The following INPP5D variants were observed in gnomAD, a reference collection of about 807,000 sequenced individuals.
INPP5D encodes the protein inositol polyphosphate-5-phosphatase D.
In INPP5D, 33 loss-of-function variants were observed where a neutral mutation model predicts 122.9. The observed-to-expected ratio is 0.27, with a 90% CI of 0.20 to 0.36. INPP5D has a LOEUF of 0.36. INPP5D is among the 10% of genes least tolerant of loss of function. The pLI is 1.00. For synonymous variants in INPP5D, 584 were observed against 576.2 expected (o/e 1.01, Z -0.19); for missense variants, 1,053 against 1,412.7 (o/e 0.75, Z 4.08).
At chr2:233,165,257 ATATG>A (rs955176179) in intron 13 of INPP5D, among the ~76,000 whole-genome samples, 2 of 151,412 alleles carry the variant, frequency 1.3e-5, no homozygotes, top group African/African-American at 4.9e-5. Flanking sequence ...GTGTGTGTCT[ATATG>A]TGTGTGAATC....
At chr2:233,180,503 C>T (rs72972252) in intron 18 of INPP5D, among the ~76,000 whole-genome samples, 9,446 of 152,178 alleles carry the variant, frequency 0.062, 365 homozygotes, top group East Asian at 0.18. Flanking sequence ...CTGGACCTCA[C>T]TGATTTCTTC....
intron 4 of INPP5D, among the ~76,000 whole-genome samples, chr2:233,129,921 A>T (rs1693270728): frequency 1.3e-5 from 2 of 148,302 alleles, no homozygotes; most frequent in South Asian, 2.1e-4. Flanking sequence ...TGTGTGTGAG[A>T]GACAGTGTCT....
At position 233,183,767 on chromosome 2, in the gene INPP5D, A is replaced by G. The variant is rs1280685386; in HGVS notation, c.2162-641A>G. 2.6e-5 allele frequency among the ~76,000 whole-genome samples: 4 copies of G among 152,236 alleles called. No homozygotes were observed. Among genetic ancestry groups the G allele is most frequent in the African/African-American group, 9.6e-5 (4 of 41,462 alleles). On this transcript the variant is annotated intron_variant, in intron 19 of 26. Transcript: ENST00000445964. The surrounding 1 kb of genome is among the most constrained non-coding windows in gnomAD (Gnocchi z 4.6). The stretch of plus-strand genomic sequence containing the variant: ...TGGGATTTAGAAAGAGAAAGGAAAG[A>G]AGGAAGGATGTGAGGGATGGAGGAA...
At chr2:233,066,810 C>A (rs1691241537) in intron 1 of INPP5D, among the ~76,000 whole-genome samples, 1 of 150,942 alleles carries the variant, frequency 6.6e-6, no homozygotes, top group South Asian at 2.1e-4. Context: ...TCTCATCTCA[C>A]CCCTGTTGCC....
At chr2:233,086,130 T>C (rs567578188) in intron 2 of INPP5D, among the ~76,000 whole-genome samples, 24 of 112,180 alleles carry the variant, frequency 2.1e-4, no homozygotes, top group African/African-American at 8.4e-4. Flanking sequence ...TCTTTCTTTC[T>C]TTCTTTCTTT....
chr2:233,138,583 A>G (rs951040007), intron 5 of INPP5D, among the ~76,000 whole-genome samples: 3 of 152,144 alleles, frequency 2.0e-5, no homozygotes, highest in African/African-American at 7.2e-5. Flanking sequence ...CATTGGAGCT[A>G]TTGGGTAATC....
intron 2 of INPP5D, among the ~76,000 whole-genome samples, chr2:233,102,067 G>A (rs1692329764): frequency 6.6e-6 from 1 of 152,084 alleles, no homozygotes; most frequent in Non-Finnish European, 1.5e-5. Flanking sequence ...TGGGCAAGTA[G>A]GTCTTGAAAT....
Position 233,130,656 on chromosome 2 carries a change from C to T in INPP5D, c.665+8C>T, listed in dbSNP as rs1693295804. 1 of 1,613,770 alleles carries T rather than the reference C, an allele frequency of 6.2e-7. No individual in the cohort carries two copies. The highest frequency in any genetic ancestry group is 1.1e-5 in the South Asian group (1 of 91,066). On this transcript the variant is annotated splice_region_variant and intron_variant, in intron 5 of 26. Coordinates refer to ENST00000445964, the MANE Select transcript of INPP5D (RefSeq NM_001017915.3). Reference sequence around the variant, plus strand: ...CTGCAAGGAGCTCTATGGGTAATGGCTGGCCCACGGGGGCGGGCAGGTGGG... The same window carrying T: ...CTGCAAGGAGCTCTATGGGTAATGGTTGGCCCACGGGGGCGGGCAGGTGGG...
rs1160357196 is a variant in INPP5D at position 233,137,853 on chromosome 2, AAT to A, written c.666-1945_666-1944del. ...ATCACAAAAAAAAAAAAAAAAAAAA[AAT>A]ATATATATATATATATATATATATA... is the stretch of plus-strand genomic sequence containing the variant. On this transcript the variant is annotated intron_variant, in intron 5 of 26. Transcript: ENST00000445964. 3.6e-3 allele frequency among the ~76,000 whole-genome samples: 101 copies of A among 27,728 alleles called. 3 individuals carry two copies. Among genetic ancestry groups the A allele is most frequent in the East Asian group, 8.5e-3 (7 of 828 alleles). 18.2% of individuals were successfully genotyped at this position (27,728 alleles called of 152,430 possible).
chr2:233,112,951 C>T lies in INPP5D; in HGVS notation c.199-9156C>T, dbSNP rs140782545. On this transcript the variant is annotated intron_variant, in intron 2 of 26. Transcript: ENST00000445964. ...GGGAATACAGGTGTGAGCCACTGCA[C>T]CTGACCGGTATTTACCTGTATATCT... Among the ~76,000 whole-genome samples the T allele has an allele frequency of 6.1e-3, 927 of 152,290 alleles. 12 individuals are homozygous for T. Among genetic ancestry groups the T allele is most frequent in the African/African-American group, 0.021 (861 of 41,548 alleles).
chr2:233,105,859 TG>T lies in INPP5D; in HGVS notation c.199-16244del, dbSNP rs1312726236. On this transcript the variant is annotated intron_variant, in intron 2 of 26. Transcript: ENST00000445964. The surrounding 1 kb of genome is among the most constrained non-coding windows in gnomAD (Gnocchi z 4.0). Reference sequence around the variant, plus strand: ...GGGTTCTGGCTTGTTGGAGAGATGGTGGGGTCCAAAGAGGCCCGAAGGCCTG... The same window carrying T: ...GGGTTCTGGCTTGTTGGAGAGATGGTGGGTCCAAAGAGGCCCGAAGGCCTG... Among the ~76,000 whole-genome samples, 3 of 151,760 alleles carry T rather than the reference TG, an allele frequency of 2.0e-5. No homozygotes were observed. The highest frequency in any genetic ancestry group is 7.3e-5 in the African/African-American group (3 of 41,260).
At chr2:233,185,714 TAAAAAAAA>T (rs34533084) in intron 20 of INPP5D, 121 bp from the exon 21 acceptor site, 14 of 626,708 alleles carry the variant, frequency 2.2e-5, no homozygotes, top group Non-Finnish European at 2.6e-5. Context: ...GGCCCCGAGA[TAAAAAAAA>T]AAAAAAAAAA....
chr2:233,163,107 C>T (rs1694238457), intron 11 of INPP5D, among the ~76,000 whole-genome samples: 1 of 152,218 alleles, frequency 6.6e-6, no homozygotes, highest in Non-Finnish European at 1.5e-5. Context: ...AGGCAAGAAG[C>T]TCATCTCTTT....
At chr2:233,185,796 G>A (rs565431901) in intron 20 of INPP5D, 47 bp from the exon 21 acceptor site, 73 of 1,543,150 alleles carry the variant, frequency 4.7e-5, no homozygotes, top group Non-Finnish European at 5.9e-5. Context: ...TTTTCTGTCT[G>A]GTTCTTGCTC....
chr2:233,060,398 G>C lies in INPP5D; in HGVS notation c.-81G>C, dbSNP rs1691032114. ...AAGAGGCAACGGGCGGCAGGTTGCA[G>C]TGGAGGGGCCTCCGCTCCCCTCGGT... On this transcript the variant is annotated 5_prime_UTR_variant, in exon 1 of 27. Transcript: ENST00000445964. 1.4e-6 allele frequency: 2 copies of C among 1,462,366 alleles called. No individual in the cohort carries two copies. Among genetic ancestry groups the C allele is most frequent in the Non-Finnish European group, 1.8e-6 (2 of 1,090,214 alleles). The allele number at this position is 1,462,366 out of a possible 1,614,324, so 90.6% of individuals were successfully genotyped here.
chr2:233,081,146 G>C (rs188596634), intron 2 of INPP5D, among the ~76,000 whole-genome samples: 22 of 152,314 alleles, frequency 1.4e-4, no homozygotes, highest in African/African-American at 4.8e-4. Context: ...GTACGAGAAG[G>C]TCCTTTCCAG....
rs7421653 is a variant in INPP5D at position 233,138,517 on chromosome 2, G to T, written c.666-1325G>T. Among the ~76,000 whole-genome samples the T allele has an allele frequency of 3.3e-5, 5 of 152,102 alleles. No individual in the cohort carries two copies. In the East Asian group the frequency reaches 9.7e-4, roughly 29 times the overall value. ...TAAAGATATGCAAATTTATTCATCC[G>T]TATTGAAGTGCAATGTTATGTCCCT... On this transcript the variant is annotated intron_variant, in intron 5 of 26. Transcript: ENST00000445964.
At chr2:233,148,106 T>C (rs1693817722) in intron 9 of INPP5D, among the ~76,000 whole-genome samples, 1 of 152,208 alleles carries the variant, frequency 6.6e-6, no homozygotes, top group Admixed American at 6.5e-5. Context: ...AACCATCAAA[T>C]CAACTCATCC....
intron 18 of INPP5D, among the ~76,000 whole-genome samples, chr2:233,181,268 G>A (rs1302802423): frequency 6.6e-6 from 1 of 152,122 alleles, no homozygotes; most frequent in African/African-American, 2.4e-5. Context: ...ATATCCTTTG[G>A]TTGGTTGAAG....
Sources: allele counts gnomAD v4.1 joint callset (sites outside exome capture counted in the v4.1 genomes callset), GRCh38; gene constraint gnomAD v4.1.1; non-coding constraint Gnocchi (gnomAD v3.1); transcripts MANE v1.5; gene names NCBI Gene and HGNC (gene_info 2026-07-23, HGNC 2026-07-21).